The following DPYD variants were observed in gnomAD, a reference collection of about 807,000 sequenced individuals.
DPYD encodes dihydropyrimidine dehydrogenase [NADP(+)].
In DPYD, 109 loss-of-function variants were observed where a neutral mutation model predicts 116.2. The ratio of observed to expected loss-of-function variants is 0.94; its 90% CI spans 0.80 to 1.10. The LOEUF (loss-of-function observed/expected upper bound fraction) is 1.10. Ranked by LOEUF, DPYD falls within the 50% of genes least tolerant of loss-of-function variation. The probability of loss-of-function intolerance (pLI) is 0.00; values close to 1 mark genes in which losing one functional copy is unlikely to be tolerated. For missense variants in DPYD, 1,302 were observed against 1,254.5 expected (o/e 1.04, Z -0.57); for synonymous variants, 440 against 432.0 (o/e 1.02, Z -0.23).
intron 11 of DPYD, among the ~76,000 whole-genome samples, chr1:97,566,870 T>C (rs1015755193): frequency 2.2e-4 from 34 of 152,290 alleles, no homozygotes; most frequent in African/African-American, 8.2e-4. Context: ...TCTAGCATTC[T>C]CAATTTCATT....
chr1:97,579,685 C>T (rs769740595), intron 10 of DPYD, among the ~76,000 whole-genome samples: 2 of 152,202 alleles, frequency 1.3e-5, no homozygotes, highest in Non-Finnish European at 2.9e-5. Context: ...GAATGCTTCT[C>T]CTCATGGCAC....
intron 1 of DPYD, among the ~76,000 whole-genome samples, chr1:97,902,989 C>T (rs1673437690): frequency 1.3e-5 from 2 of 151,832 alleles, no homozygotes; most frequent in Non-Finnish European, 2.9e-5. Flanking sequence ...AAACATTATT[C>T]CAAAGGATGA....
intron 3 of DPYD, among the ~76,000 whole-genome samples, chr1:97,801,945 ACAT>A (rs1262298281): frequency 6.6e-6 from 1 of 151,802 alleles, no homozygotes; most frequent in African/African-American, 2.4e-5. Context: ...TACAAACTTA[ACAT>A]ATCTCCTTTT....
intron 5 of DPYD, 39 bp from the exon 6 acceptor site, chr1:97,699,586 C>T: frequency 6.3e-7 from 1 of 1,578,918 alleles, no homozygotes; most frequent in Non-Finnish European, 8.7e-7. Flanking sequence ...AATTTTGAAA[C>T]TAGCTTACAT....
chr1:97,161,258 T>C (rs1171260994), intron 20 of DPYD, among the ~76,000 whole-genome samples: 1 of 152,168 alleles, frequency 6.6e-6, no homozygotes, highest in East Asian at 1.9e-4. Context: ...AGCCTGACTA[T>C]ATATACCACT....
In DPYD at chr1:97,318,824, G is replaced by C. The variant is rs553411034; in HGVS notation, c.2059-12527C>G. ...CACCTATTCCAAAATTGACCACATA[G>C]TTGGAAGTAAAGCACTCCTCAGCAA... On this transcript the variant is annotated intron_variant, in intron 16 of 22. Coordinates refer to ENST00000370192, the MANE Select transcript of DPYD (RefSeq NM_000110.4). 4.1e-3 allele frequency among the ~76,000 whole-genome samples: 615 copies of C among 150,008 alleles called. 5 individuals carry two copies. Among genetic ancestry groups the C allele is most frequent in the East Asian group, 0.016 (83 of 5,046 alleles).
In DPYD at chr1:97,078,771, T is replaced by C; in HGVS notation, c.*205A>G. 1 of 585,172 alleles carries C rather than the reference T, an allele frequency of 1.7e-6. No individual in the cohort carries two copies. The highest frequency in any genetic ancestry group is 3.0e-6 in the Non-Finnish European group (1 of 335,626). The allele number at this position is 585,172 out of a possible 1,614,324, so 36.2% of individuals were successfully genotyped here. On this transcript the variant is annotated 3_prime_UTR_variant, in exon 23 of 23. Coordinates refer to ENST00000370192, the MANE Select transcript of DPYD (RefSeq NM_000110.4). ...TTAACTACTATCCTCAGAAAAGAATTATTCTATTTTATGACCACTAATTGA... is the reference window on the plus strand; with the variant it reads ...TTAACTACTATCCTCAGAAAAGAATCATTCTATTTTATGACCACTAATTGA...
intron 15 of DPYD, among the ~76,000 whole-genome samples, chr1:97,374,218 T>G (rs1347823411): frequency 2.0e-5 from 3 of 152,206 alleles, no homozygotes; most frequent in African/African-American, 7.2e-5. Context: ...AAAAACAGTT[T>G]GTCTAAGAAA....
At chr1:97,394,179 A>C (rs1672882591) in intron 14 of DPYD, 1 of 152,002 alleles carries the variant, frequency 6.6e-6, no homozygotes, top group Admixed American at 6.6e-5. Flanking sequence ...TTCTTTGTAG[A>C]TTCTGGATAT....
At chr1:97,439,651 C>T (rs1021508701) in intron 14 of DPYD, among the ~76,000 whole-genome samples, 2 of 152,014 alleles carry the variant, frequency 1.3e-5, no homozygotes, top group African/African-American at 4.8e-5. Flanking sequence ...TTTTTCGTCT[C>T]CGCAAGGAAC....
chr1:97,759,672 C>A (rs897045202), intron 3 of DPYD, among the ~76,000 whole-genome samples: 1 of 152,054 alleles, frequency 6.6e-6, no homozygotes, highest in Non-Finnish European at 1.5e-5. Context: ...CATTGTATTG[C>A]CACCTTCTAC....
chr1:97,650,795 GA>G (rs1378821030), intron 8 of DPYD, among the ~76,000 whole-genome samples: 1 of 151,602 alleles, frequency 6.6e-6, no homozygotes, highest in Non-Finnish European at 1.5e-5. Flanking sequence ...CTTGTTCCTT[GA>G]AAAAAATTTA....
chr1:97,295,646 G>T, intron 18 of DPYD: 1 of 420,454 alleles, frequency 2.4e-6, no homozygotes, highest in Non-Finnish European at 3.2e-6. Flanking sequence ...GCTCAGGCTA[G>T]TCTCAAACTC....
intron 2 of DPYD, among the ~76,000 whole-genome samples, chr1:97,881,179 A>T (rs974804889): frequency 2.6e-5 from 4 of 152,016 alleles, no homozygotes; most frequent in African/African-American, 7.2e-5. Context: ...CTATATTTGG[A>T]GAGAGAGTCT....
chr1:97,582,976 G>A (rs1653798907), intron 10 of DPYD, among the ~76,000 whole-genome samples: 1 of 152,036 alleles, frequency 6.6e-6, no homozygotes, highest in Non-Finnish European at 1.5e-5. Flanking sequence ...TGTTGTTGTT[G>A]TTTGTTTTTT....
intron 14 of DPYD, among the ~76,000 whole-genome samples, chr1:97,424,284 T>G (rs935639185): frequency 6.6e-6 from 1 of 152,028 alleles, no homozygotes; most frequent in African/African-American, 2.4e-5. Context: ...GCTCTAGAAC[T>G]TTTGATAGGA....
intron 20 of DPYD, among the ~76,000 whole-genome samples, chr1:97,103,010 T>C (rs949656014): frequency 2.0e-5 from 3 of 151,936 alleles, no homozygotes; most frequent in Admixed American, 6.6e-5. Context: ...ATAAAAAATA[T>C]GGGAGCAGTG....
chr1:97,786,813 TGCAAAGGGAAA>T (rs755490282), intron 3 of DPYD, among the ~76,000 whole-genome samples: 23 of 152,186 alleles, frequency 1.5e-4, no homozygotes, highest in Non-Finnish European at 3.1e-4. Context: ...AGCAAAAATT[TGCAAAGGGAAA>T]GCTTGTTAAA....
At chr1:97,144,680 A>T (rs1215459895) in intron 20 of DPYD, among the ~76,000 whole-genome samples, 3 of 152,202 alleles carry the variant, frequency 2.0e-5, no homozygotes, top group Non-Finnish European at 2.9e-5. Flanking sequence ...CTTTATACAC[A>T]GGTCATCTGA....
Sources: gnomAD v4.1 joint callset for allele counts (sites outside exome capture counted in the v4.1 genomes callset) on GRCh38, gnomAD v4.1.1 for gene constraint, MANE v1.5 for transcripts, NCBI Gene and HGNC (gene_info 2026-07-23, HGNC 2026-07-21) for gene names.